Variants in RAB27B observed in about 807,000 individuals in gnomAD.
RAB27B encodes the protein ras-related protein Rab-27B.
A neutral mutation model predicts 24.6 loss-of-function variants in RAB27B; 15 were observed. That is an observed-to-expected ratio of 0.61 (90% CI 0.41 to 0.94). The LOEUF is 0.94. Among genes scored for constraint, RAB27B ranks in the 40% least tolerant of loss-of-function variants. The pLI is 0.00. For missense variants in RAB27B, 261 were observed against 266.8 expected, an observed-to-expected ratio of 0.98 and a Z score of 0.15; for synonymous variants, 105 against 92.5, an observed-to-expected ratio of 1.14 and a Z score of -0.78.
rs560123851 is a variant in RAB27B at position 54,727,493 on chromosome 18, C to T, written c.-20+9352C>T. Among the ~76,000 whole-genome samples, 340 of 152,244 alleles carry T rather than the reference C, an allele frequency of 2.2e-3. 2 individuals carry two copies. Among genetic ancestry groups the T allele is most frequent in the Non-Finnish European group, 3.9e-3 (265 of 68,016 alleles). On this transcript the variant is annotated intron_variant, in intron 2 of 4. Coordinates refer to the RAB27B transcript ENST00000586570. ...AGGGCAGGCAATTAAGGTCCATTCTCTTACTTTTCAAGAGCTTCAGTTCTG... is the reference window on the plus strand; with the variant it reads ...AGGGCAGGCAATTAAGGTCCATTCTTTTACTTTTCAAGAGCTTCAGTTCTG...
At chr18:54,744,236 T>C (rs753514955) in intron 2 of RAB27B, among the ~76,000 whole-genome samples, 13 of 152,244 alleles carry the variant, frequency 8.5e-5, no homozygotes, top group Non-Finnish European at 1.8e-4. Flanking sequence ...ATATTTCTTC[T>C]ACCTTTCCTG....
In RAB27B at chr18:54,879,362, C is replaced by T; in HGVS notation, c.154-7C>T. On this transcript the variant is annotated splice_region_variant and splice_polypyrimidine_tract_variant and intron_variant, in intron 2 of 5. Coordinates refer to ENST00000262094, the MANE Select transcript of RAB27B (RefSeq NM_004163.4). ...CAACCTCAACTAATGAACGTTGTAT[C>T]TTTCAGGTTTATAATGCACAAGGAC... 6.2e-7 allele frequency: 1 copy of T among 1,605,806 alleles called. No homozygotes were observed. The highest frequency in any genetic ancestry group is 8.5e-7 in the Non-Finnish European group (1 of 1,172,630).
At chr18:54,853,699 T>A (rs888770486) in intron 1 of RAB27B, among the ~76,000 whole-genome samples, 1 of 152,202 alleles carries the variant, frequency 6.6e-6, no homozygotes, top group African/African-American at 2.4e-5. Flanking sequence ...AGTGGGGTTT[T>A]TTAATGGGTA....
At chr18:54,758,857 A>C (rs1908091616) in intron 2 of RAB27B, among the ~76,000 whole-genome samples, 2 of 152,138 alleles carry the variant, frequency 1.3e-5, no homozygotes, top group South Asian at 4.1e-4. Context: ...GCAATCACTA[A>C]TTAGCTTTGA....
chr18:54,872,555 G>T (rs190706813), intron 1 of RAB27B, among the ~76,000 whole-genome samples: 26 of 151,852 alleles, frequency 1.7e-4, no homozygotes, highest in African/African-American at 5.6e-4. Flanking sequence ...AACTCGGGAG[G>T]TGGAGGTTGC....
At chr18:54,824,062 G>A (rs988409893), upstream of RAB27B, among the ~76,000 whole-genome samples, 1 of 151,994 alleles carries the variant, frequency 6.6e-6, no homozygotes, top group African/African-American at 2.4e-5. Flanking sequence ...ATTGATTTTT[G>A]TTATGATGAT....
intron 2 of RAB27B, among the ~76,000 whole-genome samples, chr18:54,779,861 C>T (rs1455143444): frequency 1.3e-5 from 2 of 152,088 alleles, no homozygotes; most frequent in Admixed American, 6.5e-5. Context: ...TCTTCTGAGG[C>T]CTCTCCCCTT....
At chr18:54,782,754 A>G (rs1369144905) in intron 2 of RAB27B, among the ~76,000 whole-genome samples, 1 of 152,210 alleles carries the variant, frequency 6.6e-6, no homozygotes, top group East Asian at 1.9e-4. Flanking sequence ...AATTTTAGAA[A>G]ATCATGGTAA....
At chr18:54,833,182 T>A (rs936841656) in intron 1 of RAB27B, among the ~76,000 whole-genome samples, 1 of 151,836 alleles carries the variant, frequency 6.6e-6, no homozygotes, top group Non-Finnish European at 1.5e-5. Context: ...AACAAAGCAG[T>A]GAATAAAGAA....
At chr18:54,832,557 A>C (rs2145186240) in intron 1 of RAB27B, among the ~76,000 whole-genome samples, 1 of 152,330 alleles carries the variant, frequency 6.6e-6, no homozygotes, top group East Asian at 1.9e-4. Context: ...TATGGATACT[A>C]TTTAGAGTGA....
rs1433576936 is a variant in RAB27B, at chr18:54,883,892, T to C, written c.240-441T>C. ...TTCCTGTAGCTAACAAGTTGCGGTT[T>C]CCTTCATATCATCACAGGCATTCAT... On this transcript the variant is annotated intron_variant, in intron 3 of 5. Coordinates refer to ENST00000262094, the MANE Select transcript of RAB27B (RefSeq NM_004163.4). Among the ~76,000 whole-genome samples, 3 of 152,164 alleles carry C rather than the reference T, an allele frequency of 2.0e-5. No individual in the cohort carries two copies. In the East Asian group the frequency reaches 5.8e-4, roughly 29 times the overall value.
chr18:54,720,509 T>C (rs561713406), intron 2 of RAB27B, among the ~76,000 whole-genome samples: 3 of 152,214 alleles, frequency 2.0e-5, no homozygotes, highest in African/African-American at 7.2e-5. Context: ...ACTTAGACAT[T>C]TCTAAAAGAC....
chr18:54,815,409 C>T (rs1169437928), intron 2 of RAB27B, among the ~76,000 whole-genome samples: 1 of 152,216 alleles, frequency 6.6e-6, no homozygotes, highest in Admixed American at 6.5e-5. Context: ...CATCTTACCT[C>T]ATTGGCTAAA....
chr18:54,739,456 C>CAAA (rs34119736), intron 2 of RAB27B, among the ~76,000 whole-genome samples: 3 of 94,518 alleles, frequency 3.2e-5, no homozygotes, highest in Non-Finnish European at 4.5e-5. Context: ...AACTCCATCT[C>CAAA]AAAAAAAAAA....
At chr18:54,826,702 A>T (rs1295256525), upstream of RAB27B, among the ~76,000 whole-genome samples, 1 of 152,252 alleles carries the variant, frequency 6.6e-6, no homozygotes, top group Non-Finnish European at 1.5e-5. Context: ...AGTACAACAC[A>T]GTGACCACTG....
chr18:54,719,428 A>G (rs1598855188), intron 2 of RAB27B, among the ~76,000 whole-genome samples: 1 of 152,160 alleles, frequency 6.6e-6, no homozygotes, highest in East Asian at 1.9e-4. Flanking sequence ...TATTTACTAT[A>G]TAGGTATGCT....
chr18:54,857,047 A>G (rs1911812171), intron 1 of RAB27B, among the ~76,000 whole-genome samples: 1 of 152,182 alleles, frequency 6.6e-6, no homozygotes, highest in African/African-American at 2.4e-5. Flanking sequence ...ATCTACATGC[A>G]AAGGTTTCAT....
intron 3 of RAB27B, chr18:54,880,903 G>A (rs1237290094): frequency 6.6e-6 from 1 of 152,086 alleles, no homozygotes; most frequent in Non-Finnish European, 1.5e-5. Context: ...TATATATAAG[G>A]TGTAACTAAG....
intron 2 of RAB27B, among the ~76,000 whole-genome samples, chr18:54,803,666 G>C (rs1011840314): frequency 6.6e-6 from 1 of 152,150 alleles, no homozygotes; most frequent in African/African-American, 2.4e-5. Context: ...ACAAATAGAA[G>C]TGAACAGACT....
Sources: gnomAD v4.1 joint callset for allele counts (sites outside exome capture counted in the v4.1 genomes callset) on GRCh38, gnomAD v4.1.1 for gene constraint, MANE v1.5 for transcripts, NCBI Gene and HGNC (gene_info 2026-07-23, HGNC 2026-07-21) for gene names.